The following CDK13 variants were observed in gnomAD, a reference collection of about 807,000 sequenced individuals.
CDK13 encodes cyclin dependent kinase 13, also known as cyclin-dependent kinase 13.
Under a neutral mutation model 137.6 loss-of-function variants are expected in CDK13, and 40 were observed. That is an observed-to-expected ratio of 0.29 (90% CI 0.23 to 0.38). The LOEUF is 0.38. CDK13 is among the 10% of genes least tolerant of loss of function. The pLI is 1.00. For synonymous variants in CDK13, 869 were observed against 760.1 expected, an observed-to-expected ratio of 1.14 and a Z score of -2.36; for missense variants, 1,704 against 1,951.8, an observed-to-expected ratio of 0.87 and a Z score of 2.39.
chr7:40,042,784 C>CTTT (rs35787046), intron 5 of CDK13, among the ~76,000 whole-genome samples: 1 of 144,020 alleles, frequency 6.9e-6, no homozygotes, highest in Non-Finnish European at 1.5e-5. Flanking sequence ...TCCAGCCCTC[C>CTTT]TTTTTTTTTT....
chr7:40,053,354 T>A (rs1163305147), intron 7 of CDK13, among the ~76,000 whole-genome samples: 1 of 152,206 alleles, frequency 6.6e-6, no homozygotes, highest in East Asian at 1.9e-4. Context: ...ATTTCCCGTT[T>A]TAGTTAAAGG....
In CDK13 at chr7:40,098,259, G is replaced by A. The variant is rs971582338; in HGVS notation, c.*3279G>A. On this transcript the variant is annotated 3_prime_UTR_variant, in exon 14 of 14. Coordinates refer to ENST00000181839, the MANE Select transcript of CDK13 (RefSeq NM_003718.5). ...AATATCAAGACTTCTTGAGAAAAATGAAAAGTGAATACATAAATGCTTAAA... is the reference window on the plus strand; with the variant it reads ...AATATCAAGACTTCTTGAGAAAAATAAAAAGTGAATACATAAATGCTTAAA... 8 of 152,174 alleles carry A rather than the reference G, an allele frequency of 5.3e-5. No homozygotes were observed. The highest frequency in any genetic ancestry group is 4.6e-4 in the Admixed American group (7 of 15,282). 9.4% of individuals were successfully genotyped at this position (152,174 alleles called of 1,614,324 possible).
chr7:40,046,135 T>C (rs988180889), intron 6 of CDK13, 110 bp downstream of exon 6: 2 of 699,818 alleles, frequency 2.9e-6, no homozygotes, highest in Non-Finnish European at 2.4e-6. Context: ...GTGGTGAGCG[T>C]TGAAAGTTAC....
chr7:40,031,577 T>C (rs1257202512), intron 5 of CDK13, among the ~76,000 whole-genome samples: 1 of 152,160 alleles, frequency 6.6e-6, no homozygotes, highest in African/African-American at 2.4e-5. Context: ...TATTTGCCAT[T>C]GGTATATCAT....
chr7:40,023,515 T>TC (rs1785173417), intron 5 of CDK13, among the ~76,000 whole-genome samples: 1 of 151,922 alleles, frequency 6.6e-6, no homozygotes, highest in South Asian at 2.1e-4. Flanking sequence ...TTTTTTTTTT[T>TC]TTGAGACTGA....
chr7:40,025,689 C>A (rs1267616947), intron 5 of CDK13, among the ~76,000 whole-genome samples: 6 of 152,090 alleles, frequency 3.9e-5, no homozygotes, highest in Non-Finnish European at 8.8e-5. Flanking sequence ...ACCTTGCTTT[C>A]CATAATGTTT....
chr7:40,064,944 A>G (rs1383397764), intron 9 of CDK13, among the ~76,000 whole-genome samples: 1 of 125,788 alleles, frequency 7.9e-6, no homozygotes, highest in African/African-American at 2.9e-5. Context: ...GGCATGCACC[A>G]CCATGCTGGG....
At chr7:40,000,934 A>G (rs1784670441) in intron 4 of CDK13, among the ~76,000 whole-genome samples, 1 of 152,176 alleles carries the variant, frequency 6.6e-6, no homozygotes, top group African/African-American at 2.4e-5. Flanking sequence ...CATTTCTGAT[A>G]CAAAGCTGAC....
At chr7:40,045,751 A>G (rs1785722963) in intron 5 of CDK13, 85 bp from the exon 6 acceptor site, 1 of 856,804 alleles carries the variant, frequency 1.2e-6, no homozygotes, top group Admixed American at 2.4e-5. Flanking sequence ...TTCTTCCTCT[A>G]CCAGCCTTTT....
intron 5 of CDK13, among the ~76,000 whole-genome samples, chr7:40,031,355 C>T (rs1446471782): frequency 6.6e-6 from 1 of 152,040 alleles, no homozygotes; most frequent in East Asian, 1.9e-4. Context: ...AACCTGGTCA[C>T]TACTAAAAAT....
At chr7:40,031,816 A>T (rs1185920566) in intron 5 of CDK13, among the ~76,000 whole-genome samples, 4 of 126,798 alleles carry the variant, frequency 3.2e-5, no homozygotes, top group African/African-American at 1.2e-4. Flanking sequence ...CGGCTAATTT[A>T]TTATTATTAT....
intron 12 of CDK13, chr7:40,092,520 T>G (rs17538279): frequency 2.5e-6 from 1 of 398,284 alleles, no homozygotes; most frequent in African/African-American, 2.0e-5. Flanking sequence ...ATCCATAACA[T>G]GAGGTTTTAG....
chr7:40,099,473 A>C lies in CDK13; in HGVS notation c.*4493A>C, dbSNP rs1787101263. On this transcript the variant is annotated 3_prime_UTR_variant, in exon 14 of 14. Coordinates refer to ENST00000181839, the MANE Select transcript of CDK13 (RefSeq NM_003718.5). ...CTCTTGCAAGAACGTTTAAAAGTTA[A>C]GTCTTGTAACTGTTAACATCTAATG... is the stretch of plus-strand genomic sequence containing the variant. 1 of 152,208 alleles carries C rather than the reference A, an allele frequency of 6.6e-6. No individual in the cohort carries two copies. The highest frequency in any genetic ancestry group is 2.4e-5 in the African/African-American group (1 of 41,454). The allele number at this position is 152,208 out of a possible 1,614,324, so 9.4% of individuals were successfully genotyped here.
chr7:40,090,600 A>G (rs1786899073), intron 12 of CDK13, among the ~76,000 whole-genome samples: 2 of 151,828 alleles, frequency 1.3e-5, no homozygotes, highest in South Asian at 2.1e-4. Flanking sequence ...GTTATCTATA[A>G]ATAGCTGGGT....
chr7:40,010,945 TAAA>T (rs1454377395), intron 5 of CDK13, among the ~76,000 whole-genome samples: 6 of 152,238 alleles, frequency 3.9e-5, no homozygotes, highest in African/African-American at 1.4e-4. Flanking sequence ...AATAAATTGA[TAAA>T]AGAAGTGCAA....
At chr7:39,971,904 A>C (rs1180954540) in intron 1 of CDK13, among the ~76,000 whole-genome samples, 1 of 152,166 alleles carries the variant, frequency 6.6e-6, no homozygotes, top group Non-Finnish European at 1.5e-5. Context: ...AACAAAAAAA[A>C]CAAAAAAAGG....
chr7:40,027,954 C>T (rs1221205697), intron 5 of CDK13, among the ~76,000 whole-genome samples: 1 of 150,870 alleles, frequency 6.6e-6, no homozygotes. Flanking sequence ...TTTGATAGCT[C>T]TGTTTTTTCC....
chr7:40,014,284 G>A lies in CDK13; in HGVS notation c.2353+12253G>A, dbSNP rs368287156. On this transcript the variant is annotated intron_variant, in intron 5 of 13. Transcript: ENST00000181839. The stretch of plus-strand genomic sequence containing the variant: ...GGGTTTCACCATGTTGGTCAGGCTG[G>A]TCTCGAACTCCTGACCTCGTGATCT... Among the ~76,000 whole-genome samples the A allele has an allele frequency of 9.9e-5, 15 of 151,660 alleles. 1 individual carries two copies. In the South Asian group the frequency reaches 2.1e-3, roughly 21 times the overall value.
intron 2 of CDK13, among the ~76,000 whole-genome samples, chr7:39,990,334 T>C (rs1450327419): frequency 6.6e-6 from 1 of 152,202 alleles, no homozygotes; most frequent in African/African-American, 2.4e-5. Flanking sequence ...TACGGAAGTT[T>C]CTAAAGATTC....
Sources: allele counts gnomAD v4.1 joint callset (sites outside exome capture counted in the v4.1 genomes callset), GRCh38; gene constraint gnomAD v4.1.1; transcripts MANE v1.5; gene names NCBI Gene and HGNC (gene_info 2026-07-23, HGNC 2026-07-21).